Variants in IGFL2 observed in about 807,000 individuals in gnomAD.
The protein encoded by IGFL2 is insulin growth factor-like family member 2.
In IGFL2, 7 loss-of-function variants were observed where a neutral mutation model predicts 13.9. The ratio of observed to expected loss-of-function variants is 0.51; its 90% CI spans 0.29 to 0.95. The LOEUF (loss-of-function observed/expected upper bound fraction) is 0.95, where lower values mean the gene tolerates loss of function less well. Ranked by LOEUF, IGFL2 falls within the 40% of genes least tolerant of loss-of-function variation. IGFL2 has a pLI of 0.08. For synonymous variants in IGFL2, 55 were observed against 55.8 expected, an observed-to-expected ratio of 0.99 and a Z score of 0.07; for missense variants, 138 against 147.8, an observed-to-expected ratio of 0.93 and a Z score of 0.34.
downstream of IGFL2, chr19:46,163,750 G>A (rs62110744): frequency 0.098 from 14,959 of 152,550 alleles, 1,029 homozygotes; most frequent in Non-Finnish European, 0.15. Flanking sequence ...TGCCTGATGA[G>A]GAGACATGGG....
chr19:46,169,447 A>G, the IGFL2 span, among the ~76,000 whole-genome samples: 5 of 152,234 alleles, frequency 3.3e-5, no homozygotes, highest in African/African-American at 9.6e-5. Flanking sequence ...TCAAAAGAAG[A>G]AAGTGGAGAG....
rs1555744721 is a variant in IGFL2 at position 46,153,839 on chromosome 19, A to ATTT, written c.19+5548_19+5550dup. Among the ~76,000 whole-genome samples, 70 of 139,356 alleles carry ATTT rather than the reference A, an allele frequency of 5.0e-4. 1 individual carries two copies. Among genetic ancestry groups the ATTT allele is most frequent in the Middle Eastern group, 3.7e-3 (1 of 270 alleles). The allele number at this position is 139,356 out of a possible 152,430, so 91.4% of individuals were successfully genotyped here. On this transcript the variant is annotated intron_variant, in intron 1 of 3. Coordinates refer to ENST00000377693, the MANE Select transcript of IGFL2 (RefSeq NM_001135113.2). ...TGTGTATATATATATATATATATAT[A>ATTT]TTTTTTTTACTTTAAGTTCTGGGAT...
chr19:46,210,614 G>A, the IGFL2 span, among the ~76,000 whole-genome samples: 1 of 152,182 alleles, frequency 6.6e-6, no homozygotes, highest in Non-Finnish European at 1.5e-5. Context: ...ATCCAGCACG[G>A]GAGAAAGACG....
chr19:46,105,339 G>C, the IGFL2 span, among the ~76,000 whole-genome samples: 1 of 152,148 alleles, frequency 6.6e-6, no homozygotes, highest in Non-Finnish European at 1.5e-5. Context: ...GTAGTGGAGT[G>C]GGGCAGAGCA....
At chr19:46,171,715 T>C in the IGFL2 span, among the ~76,000 whole-genome samples, 1 of 152,146 alleles carries the variant, frequency 6.6e-6, no homozygotes, top group South Asian at 2.1e-4. Flanking sequence ...AAAATGCGAG[T>C]ACACTTACTT....
chr19:46,203,828 T>C, the IGFL2 span, among the ~76,000 whole-genome samples: 1 of 152,206 alleles, frequency 6.6e-6, no homozygotes, highest in Non-Finnish European at 1.5e-5. Context: ...GCAATTCTGC[T>C]ATCTCAGCCT....
the IGFL2 span, among the ~76,000 whole-genome samples, chr19:46,133,475 G>A: frequency 1.3e-5 from 2 of 152,254 alleles, no homozygotes; most frequent in East Asian, 3.9e-4. Context: ...CAAAGGCAGA[G>A]GAGAACAAAG....
chr19:46,124,725 T>C, the IGFL2 span: 3 of 1,279,418 alleles, frequency 2.3e-6, no homozygotes, highest in Non-Finnish European at 3.4e-6. Context: ...CTAAATGGGG[T>C]TGTCTGTTAA....
the IGFL2 span, among the ~76,000 whole-genome samples, chr19:46,166,956 TAC>T: frequency 6.6e-6 from 1 of 152,218 alleles, no homozygotes; most frequent in Non-Finnish European, 1.5e-5. Context: ...ACACAATTAT[TAC>T]AGGGTCCTGG....
the IGFL2 span, among the ~76,000 whole-genome samples, chr19:46,099,179 G>A: frequency 1.9e-4 from 29 of 152,212 alleles, no homozygotes; most frequent in Non-Finnish European, 2.4e-4. Context: ...TAGGGTTTCT[G>A]CTGAGAGGTC....
At chr19:46,192,193 G>A in the IGFL2 span, among the ~76,000 whole-genome samples, 1 of 152,164 alleles carries the variant, frequency 6.6e-6, no homozygotes, top group Non-Finnish European at 1.5e-5. Context: ...GCGCTCCCAG[G>A]TCAAACCCTG....
chr19:46,118,549 T>C, the IGFL2 span, among the ~76,000 whole-genome samples: 2 of 152,186 alleles, frequency 1.3e-5, no homozygotes, highest in African/African-American at 2.4e-5. Context: ...GCCTGACATA[T>C]GAAGCTGCCC....
At chr19:46,139,668 A>C (rs1972768003), upstream of IGFL2, among the ~76,000 whole-genome samples, 1 of 152,186 alleles carries the variant, frequency 6.6e-6, no homozygotes, top group South Asian at 2.1e-4. Context: ...GCTTGAAAAA[A>C]GTAACTAAAA....
chr19:46,090,737 G>A, the IGFL2 span, among the ~76,000 whole-genome samples: 10 of 152,210 alleles, frequency 6.6e-5, no homozygotes, highest in African/African-American at 2.4e-4. Context: ...GTAGCCCAGG[G>A]CCCAGGCTAG....
At chr19:46,132,101 C>T in the IGFL2 span, among the ~76,000 whole-genome samples, 1 of 152,150 alleles carries the variant, frequency 6.6e-6, no homozygotes, top group African/African-American at 2.4e-5. Flanking sequence ...AGGAGGGAAA[C>T]AGTGAATTTT....
the IGFL2 span, among the ~76,000 whole-genome samples, chr19:46,115,798 A>G: frequency 6.6e-6 from 1 of 152,196 alleles, no homozygotes; most frequent in Non-Finnish European, 1.5e-5. Context: ...GGATAAATGA[A>G]TGAGTAGAGC....
the IGFL2 span, among the ~76,000 whole-genome samples, chr19:46,118,691 T>C: frequency 6.6e-6 from 1 of 152,170 alleles, no homozygotes; most frequent in Non-Finnish European, 1.5e-5. Flanking sequence ...ACTTTACTGC[T>C]GCAAGGAGGC....
rs147792084 is a variant in IGFL2, at chr19:46,156,426, A to G, written c.20-3989A>G. Reference sequence around the variant, plus strand: ...ATCTAGAGCCGTAAAACAAACCTCAACAAGTTCTAAAGTATTGAAGTTTAA... The same window carrying G: ...ATCTAGAGCCGTAAAACAAACCTCAGCAAGTTCTAAAGTATTGAAGTTTAA... On this transcript the variant is annotated intron_variant, in intron 1 of 3. Coordinates refer to ENST00000377693, the MANE Select transcript of IGFL2 (RefSeq NM_001135113.2). Among the ~76,000 whole-genome samples, 367 of 152,340 alleles carry G rather than the reference A, an allele frequency of 2.4e-3. 1 individual carries two copies. The highest frequency in any genetic ancestry group is 5.6e-3 in the Admixed American group (85 of 15,298).
chr19:46,210,537 G>A, the IGFL2 span, among the ~76,000 whole-genome samples: 16 of 152,148 alleles, frequency 1.1e-4, 1 homozygote, highest in Admixed American at 5.2e-4. Context: ...GCAAGCTGAG[G>A]AGCAAGGAAG....
Sources: allele counts gnomAD v4.1 joint callset (sites outside exome capture counted in the v4.1 genomes callset), GRCh38; gene constraint gnomAD v4.1.1; transcripts MANE v1.5; gene names NCBI Gene and HGNC (gene_info 2026-07-23, HGNC 2026-07-21).